The following FMN2 variants were observed in gnomAD, a reference collection of about 807,000 sequenced individuals.
FMN2 encodes formin-2.
Under a neutral mutation model 142.3 loss-of-function variants are expected in FMN2, and 51 were observed. The observed-to-expected ratio is 0.36, with a 90% CI of 0.29 to 0.45. The LOEUF is 0.45. Ranked by LOEUF, FMN2 falls within the 20% of genes least tolerant of loss-of-function variation. The pLI, the probability that FMN2 is intolerant of heterozygous loss-of-function variation, is 1.00. For missense variants in FMN2, 1,936 were observed against 2,122.8 expected (o/e 0.91, Z 1.73); for synonymous variants, 882 against 869.8 (o/e 1.01, Z -0.25).
At chr1:240,397,785 C>CAAAAAAAA (rs35826717) in intron 15 of FMN2, among the ~76,000 whole-genome samples, 1 of 46,806 alleles carries the variant, frequency 2.1e-5, no homozygotes, top group Non-Finnish European at 3.9e-5. Context: ...GACTCCTTCT[C>CAAAAAAAA]AAAAAAAAAA....
chr1:240,294,542 C>T (rs567256713), intron 7 of FMN2, among the ~76,000 whole-genome samples: 1 of 152,346 alleles, frequency 6.6e-6, no homozygotes, highest in South Asian at 2.1e-4. Context: ...CAAATTCATT[C>T]AGTTCGGCTG....
intron 2 of FMN2, among the ~76,000 whole-genome samples, chr1:240,169,559 C>T (rs1423986199): frequency 1.3e-5 from 2 of 152,174 alleles, no homozygotes; most frequent in Non-Finnish European, 2.9e-5. Flanking sequence ...GACCTCCCCC[C>T]GGGCTCATGC....
chr1:240,429,070 C>G (rs1019374117), intron 15 of FMN2, among the ~76,000 whole-genome samples: 1 of 152,048 alleles, frequency 6.6e-6, no homozygotes, highest in Non-Finnish European at 1.5e-5. Context: ...CTTATTAACT[C>G]TTGTGTTACT....
chr1:240,262,020 C>T (rs2102904076), intron 7 of FMN2, among the ~76,000 whole-genome samples: 1 of 152,126 alleles, frequency 6.6e-6, no homozygotes, highest in Admixed American at 6.5e-5. Flanking sequence ...TAGGAGGGTC[C>T]CTTCAGCCAG....
chr1:240,391,394 G>A (rs1673596780), intron 14 of FMN2, among the ~76,000 whole-genome samples: 1 of 151,686 alleles, frequency 6.6e-6, no homozygotes, highest in African/African-American at 2.4e-5. Context: ...GACACTGACA[G>A]TTCTCGAGTG....
At chr1:240,295,479 C>T (rs1437470638) in intron 8 of FMN2, among the ~76,000 whole-genome samples, 1 of 152,144 alleles carries the variant, frequency 6.6e-6, no homozygotes, top group East Asian at 1.9e-4. Context: ...CACCGTTATG[C>T]TTTCTGTTTC....
rs149338983 is a variant in FMN2, at chr1:240,183,685, A to G, written c.1931-4522A>G. ...AGAGGCAGAGCCTCAGTACTATTAAATAATCAAATAAGCAGATCATGGAAT... is the reference window on the plus strand; with the variant it reads ...AGAGGCAGAGCCTCAGTACTATTAAGTAATCAAATAAGCAGATCATGGAAT... On this transcript the variant is annotated intron_variant, in intron 3 of 17. Transcript: ENST00000319653. Among the ~76,000 whole-genome samples the G allele has an allele frequency of 3.3e-3, 505 of 152,088 alleles. 4 individuals carry two copies. Among genetic ancestry groups the G allele is most frequent in the African/African-American group, 0.012 (490 of 41,542 alleles).
At chr1:240,437,041 G>T (rs954818112) in intron 15 of FMN2, among the ~76,000 whole-genome samples, 2 of 152,130 alleles carry the variant, frequency 1.3e-5, no homozygotes, top group Non-Finnish European at 2.9e-5. Context: ...TCTTCTCAGG[G>T]CATCACTCAT....
At chr1:240,108,722 C>T in intron 1 of FMN2, among the ~76,000 whole-genome samples, 1 of 152,158 alleles carries the variant, frequency 6.6e-6, no homozygotes, top group Admixed American at 6.5e-5. Context: ...CTGTCTTGTT[C>T]ATCCTTCTAC....
chr1:240,469,593 A>C (rs189221543), intron 16 of FMN2, among the ~76,000 whole-genome samples: 422 of 152,292 alleles, frequency 2.8e-3, no homozygotes, highest in Admixed American at 5.8e-3. Context: ...TTTATATGTT[A>C]TTCTTTCATG....
At chr1:240,409,863 A>G (rs1472072841) in intron 15 of FMN2, among the ~76,000 whole-genome samples, 1 of 152,210 alleles carries the variant, frequency 6.6e-6, no homozygotes, top group East Asian at 1.9e-4. Context: ...AAAATAACCT[A>G]TTATGTATTT....
chr1:240,362,192 T>G (rs1672510976), intron 14 of FMN2, among the ~76,000 whole-genome samples: 1 of 152,174 alleles, frequency 6.6e-6, no homozygotes. Context: ...GCATACGTGT[T>G]GGACTGAACT....
intron 1 of FMN2, among the ~76,000 whole-genome samples, chr1:240,095,549 C>T (rs1661167868): frequency 6.6e-6 from 1 of 152,006 alleles, no homozygotes; most frequent in Non-Finnish European, 1.5e-5. Context: ...GAGGAGGAGA[C>T]ATGACATAAG....
intron 7 of FMN2, among the ~76,000 whole-genome samples, chr1:240,275,280 C>CA (rs1669164802): frequency 2.0e-5 from 3 of 151,792 alleles, no homozygotes; most frequent in African/African-American, 7.3e-5. Context: ...TGATGTTCCC[C>CA]TCTCTGTGTC....
intron 16 of FMN2, among the ~76,000 whole-genome samples, chr1:240,451,355 T>C (rs1167574026): frequency 2.7e-5 from 4 of 145,966 alleles, no homozygotes; most frequent in African/African-American, 1.1e-4. Flanking sequence ...CAAGACTCCA[T>C]CTCAAAAAAA....
chr1:240,234,356 G>A (rs1667626885), intron 6 of FMN2, among the ~76,000 whole-genome samples: 1 of 152,116 alleles, frequency 6.6e-6, no homozygotes, highest in East Asian at 1.9e-4. Context: ...TTACACAATG[G>A]GCAGAACTTC....
chr1:240,416,014 A>G (rs569651500), intron 15 of FMN2, among the ~76,000 whole-genome samples: 3 of 152,204 alleles, frequency 2.0e-5, no homozygotes, highest in African/African-American at 7.2e-5. Flanking sequence ...AAATTCACAG[A>G]GTAAATCCAC....
intron 13 of FMN2, among the ~76,000 whole-genome samples, chr1:240,337,545 G>A (rs2103024725): frequency 1.3e-5 from 2 of 152,258 alleles, no homozygotes; most frequent in Middle Eastern, 3.4e-3. Flanking sequence ...TTATAACAAG[G>A]TTTAGAAAAT....
chr1:240,296,193 CTT>C (rs59482806), intron 8 of FMN2, among the ~76,000 whole-genome samples: 161 of 121,074 alleles, frequency 1.3e-3, no homozygotes, highest in African/African-American at 3.9e-3. Context: ...TTATGTAGTA[CTT>C]TTTTTTTTTT....
Sources: allele counts gnomAD v4.1 joint callset (sites outside exome capture counted in the v4.1 genomes callset), GRCh38; gene constraint gnomAD v4.1.1; transcripts MANE v1.5; gene names NCBI Gene and HGNC (gene_info 2026-07-23, HGNC 2026-07-21).